The following GRIK4 variants were observed in gnomAD, a reference collection of about 807,000 sequenced individuals.
The protein encoded by GRIK4 is glutamate ionotropic receptor kainate type subunit 4, also known as glutamate receptor ionotropic, kainate 4.
Under a neutral mutation model 104.9 loss-of-function variants are expected in GRIK4, and 40 were observed. The observed-to-expected ratio is 0.38, with a 90% confidence interval of 0.30 to 0.50. The LOEUF (loss-of-function observed/expected upper bound fraction) is 0.50. GRIK4 is among the 20% of genes least tolerant of loss of function. The pLI is 0.93. For missense variants in GRIK4, 1,047 were observed against 1,308.1 expected (o/e 0.80, Z 3.08); for synonymous variants, 485 against 524.9 (o/e 0.92, Z 1.04).
At chr11:120,814,233 A>G (rs1952886059) in intron 4 of GRIK4, among the ~76,000 whole-genome samples, 2 of 152,126 alleles carry the variant, frequency 1.3e-5, no homozygotes, top group South Asian at 4.1e-4. Flanking sequence ...ACAAACCCAA[A>G]TAGATACAGT....
At position 120,660,293 on chromosome 11, in the gene GRIK4, G is replaced by A. The variant is rs768044489; in HGVS notation, c.-26G>A. Reference sequence around the variant, plus strand: ...GAGTTATGTCATGCCCAGGCCAGCAGGGGGCTCCATGAGGATTCATAGAAG... The same window carrying A: ...GAGTTATGTCATGCCCAGGCCAGCAAGGGGCTCCATGAGGATTCATAGAAG... On this transcript the variant is annotated 5_prime_UTR_variant, in exon 3 of 21. Transcript: ENST00000527524. The A allele has an allele frequency of 1.9e-6, 3 of 1,570,848 alleles. No homozygotes were observed. Among genetic ancestry groups the A allele is most frequent in the Non-Finnish European group, 2.6e-6 (3 of 1,142,034 alleles).
chr11:120,658,822 C>T (rs757798222), intron 2 of GRIK4, among the ~76,000 whole-genome samples: 16 of 141,310 alleles, frequency 1.1e-4, no homozygotes, highest in Admixed American at 9.0e-4. Flanking sequence ...GATCTCGGCT[C>T]ACTGCAAGCT....
At chr11:120,675,305 C>T (rs1340369044) in intron 3 of GRIK4, among the ~76,000 whole-genome samples, 2 of 152,182 alleles carry the variant, frequency 1.3e-5, no homozygotes, top group Non-Finnish European at 2.9e-5. Flanking sequence ...CTTATAGTTG[C>T]AGCCTGGGTG....
chr11:120,798,713 A>G (rs1392446760), intron 3 of GRIK4, among the ~76,000 whole-genome samples: 1 of 152,064 alleles, frequency 6.6e-6, no homozygotes, highest in African/African-American at 2.4e-5. Context: ...AACTCCTGAC[A>G]TCAAGTGATC....
intron 4 of GRIK4, among the ~76,000 whole-genome samples, chr11:120,808,723 T>C (rs1952766841): frequency 6.6e-6 from 1 of 152,208 alleles, no homozygotes; most frequent in Non-Finnish European, 1.5e-5. Context: ...TTGGAAGTGA[T>C]GAGGCAATTG....
chr11:120,665,985 C>G (rs958285955), intron 3 of GRIK4, among the ~76,000 whole-genome samples: 3 of 152,150 alleles, frequency 2.0e-5, no homozygotes, highest in African/African-American at 7.2e-5. Flanking sequence ...GTAACTTCAT[C>G]TGTAATCTCT....
At chr11:120,646,720 A>G (rs1949548322) in intron 1 of GRIK4, among the ~76,000 whole-genome samples, 1 of 152,222 alleles carries the variant, frequency 6.6e-6, no homozygotes, top group Non-Finnish European at 1.5e-5. Context: ...AGAGATAGGG[A>G]GTCAGACATA....
intron 4 of GRIK4, among the ~76,000 whole-genome samples, chr11:120,806,033 G>T (rs922800458): frequency 1.3e-5 from 2 of 152,186 alleles, no homozygotes; most frequent in Non-Finnish European, 2.9e-5. Flanking sequence ...CTGTTTCCTC[G>T]TTTGTAAAAT....
At chr11:120,775,378 A>T (rs1397978501) in intron 3 of GRIK4, among the ~76,000 whole-genome samples, 3 of 152,226 alleles carry the variant, frequency 2.0e-5, no homozygotes, top group African/African-American at 7.2e-5. Context: ...CAGCAAGAGG[A>T]CAGGGAATCA....
chr11:120,864,423 G>A (rs1160073400), intron 9 of GRIK4, among the ~76,000 whole-genome samples: 2 of 151,968 alleles, frequency 1.3e-5, no homozygotes, highest in African/African-American at 4.8e-5. Context: ...TGTATTTTTA[G>A]TAGAGATGGG....
chr11:120,931,975 A>G (rs1028168329), intron 13 of GRIK4, among the ~76,000 whole-genome samples: 4 of 151,880 alleles, frequency 2.6e-5, no homozygotes, highest in African/African-American at 7.3e-5. Flanking sequence ...GCCTTGACAC[A>G]TGTTGTACCT....
At chr11:120,947,877 G>A (rs1943900855) in intron 14 of GRIK4, among the ~76,000 whole-genome samples, 1 of 152,156 alleles carries the variant, frequency 6.6e-6, no homozygotes, top group African/African-American at 2.4e-5. Flanking sequence ...GTCAATGCCA[G>A]GATTAGAATG....
intron 3 of GRIK4, among the ~76,000 whole-genome samples, chr11:120,663,753 C>A (rs1441845369): frequency 6.6e-6 from 1 of 152,170 alleles, no homozygotes; most frequent in African/African-American, 2.4e-5. Context: ...GCTCTTCCTC[C>A]CGTTTCATCT....
At chr11:120,796,092 G>C (rs1390669003) in intron 3 of GRIK4, among the ~76,000 whole-genome samples, 2 of 149,344 alleles carry the variant, frequency 1.3e-5, no homozygotes, top group Non-Finnish European at 3.0e-5. Flanking sequence ...CCGGAGTGCA[G>C]TGGCGCAATC....
rs555023110 is a variant in GRIK4 at position 120,772,745 on chromosome 11, A to G, written c.83-29948A>G. ...TTTGGGAGAGAGGGCATGGGAAGAA[A>G]GGGGAAGGAATGGGATCTAGCATGC... On this transcript the variant is annotated intron_variant, in intron 3 of 20. Coordinates refer to ENST00000527524, the MANE Select transcript of GRIK4 (RefSeq NM_014619.5). Among the ~76,000 whole-genome samples, 10 of 151,922 alleles carry G rather than the reference A, an allele frequency of 6.6e-5. No homozygotes were observed. In the South Asian group the frequency reaches 2.1e-3, roughly 32 times the overall value.
At chr11:120,713,449 C>G (rs1030658187) in intron 3 of GRIK4, among the ~76,000 whole-genome samples, 2 of 152,170 alleles carry the variant, frequency 1.3e-5, no homozygotes, top group Admixed American at 6.5e-5. Flanking sequence ...GGGGGGCCAC[C>G]CTTGCGTCAC....
At chr11:120,892,728 C>T (rs1260963954) in intron 11 of GRIK4, among the ~76,000 whole-genome samples, 1 of 152,128 alleles carries the variant, frequency 6.6e-6, no homozygotes, top group Admixed American at 6.5e-5. Flanking sequence ...AATCCAAGTC[C>T]CTGACACTCA....
chr11:120,649,270 ATAGC>A (rs1171467500), intron 1 of GRIK4, among the ~76,000 whole-genome samples: 1 of 152,096 alleles, frequency 6.6e-6, no homozygotes, highest in Non-Finnish European at 1.5e-5. Flanking sequence ...ACATCCAGAG[ATAGC>A]TCCTTTCTCA....
chr11:120,876,685 A>T (rs1258112207), intron 11 of GRIK4, among the ~76,000 whole-genome samples: 1 of 152,200 alleles, frequency 6.6e-6, no homozygotes. Context: ...TTGAACAAAC[A>T]GTAATGACAG....
Sources: allele counts gnomAD v4.1 joint callset (sites outside exome capture counted in the v4.1 genomes callset), GRCh38; gene constraint gnomAD v4.1.1; transcripts MANE v1.5; gene names NCBI Gene and HGNC (gene_info 2026-07-23, HGNC 2026-07-21).